The following NAALADL1 variants were observed in gnomAD, a reference collection of about 807,000 sequenced individuals.
The protein encoded by NAALADL1 is aminopeptidase NAALADL1.
A neutral mutation model predicts 82.8 loss-of-function variants in NAALADL1; 77 were observed. The observed-to-expected ratio is 0.93, with a 90% CI of 0.77 to 1.12. The LOEUF (loss-of-function observed/expected upper bound fraction) is 1.12, where lower values mean the gene tolerates loss of function less well. Ranked by LOEUF, NAALADL1 falls within the 50% of genes most tolerant of loss-of-function variation. The pLI, the probability that NAALADL1 is intolerant of heterozygous loss-of-function variation, is 0.00. For synonymous variants in NAALADL1, 358 were observed against 399.2 expected, an observed-to-expected ratio of 0.90 and a Z score of 1.23; for missense variants, 956 against 964.0, an observed-to-expected ratio of 0.99 and a Z score of 0.11.
In NAALADL1 at chr11:65,048,014, A is replaced by G. The variant is rs775993848; in HGVS notation, c.1383T>C (p.Pro461=). The change falls in exon 11 of 18, where the codon CCT becomes CCC. Residue 461 remains proline (P), a synonymous_variant. Transcript: ENST00000358658. ...NATLRVQGTP[P]VQSVVFSATK... The stretch of plus-strand genomic sequence containing the variant: ...TTGCAGAGAAGACGACGCTCTGGAC[A>G]GGGGGCGTCCCCTGCACCCTAAGGG... 1.2e-6 allele frequency: 2 copies of G among 1,612,574 alleles called. No individual in the cohort carries two copies. Among genetic ancestry groups the G allele is most frequent in the Non-Finnish European group, 1.7e-6 (2 of 1,179,604 alleles).
chr11:65,060,091 C>T (rs1427448976), upstream of NAALADL1, among the ~76,000 whole-genome samples: 2 of 152,082 alleles, frequency 1.3e-5, no homozygotes, highest in Non-Finnish European at 2.9e-5. Context: ...TCAAAGATGC[C>T]TGCAGAGCTT....
In NAALADL1 at chr11:65,054,173, ACAT is replaced by A; in HGVS notation, c.992+74_992+76del. ...TCAGGCTTTGAAGTGGAAAGAGGGA[ACAT>A]CATCACAAGGGAAGGGGAGAGGCGA... On this transcript the variant is annotated intron_variant, in intron 6 of 17. Transcript: ENST00000358658. This position sits in a 1 kb window ranked among gnomAD's most constrained non-coding sequence, Gnocchi z 4.3. 8.0e-7 allele frequency: 1 copy of A among 1,245,280 alleles called. No individual in the cohort carries two copies. Among genetic ancestry groups the A allele is most frequent in the Non-Finnish European group, 1.2e-6 (1 of 864,322 alleles). 77.1% of individuals were successfully genotyped at this position (1,245,280 alleles called of 1,614,324 possible). A position where few individuals can be genotyped will look rare whatever the true frequency, so the allele number is the denominator to read the frequency against.
rs745338611 is a variant in NAALADL1 at position 65,046,479 on chromosome 11, G to A, written c.1647C>T (p.Asp549=). ...AAAACTTGTCCACATAGTCAAAGGTGTCAAAGGCTGTGTGGTAGGTGGGGT... is the reference window on the plus strand; with the variant it reads ...AAAACTTGTCCACATAGTCAAAGGTATCAAAGGCTGTGTGGTAGGTGGGGT... The part of the protein sequence containing the change: ...RIYPTYHTAF[D]TFDYVDKFLD... Residue 549 remains aspartate (D), a synonymous_variant, in exon 14 of 18, where the codon GAC becomes GAT. Transcript: ENST00000358658. 2 of 1,614,206 alleles carry A rather than the reference G, an allele frequency of 1.2e-6. No individual in the cohort carries two copies. The highest frequency in any genetic ancestry group is 1.7e-5 in the Admixed American group (1 of 60,022).
chr11:65,050,742 T>C lies in NAALADL1; in HGVS notation c.1199-2357A>G, dbSNP rs191483074. On this transcript the variant is annotated intron_variant, in intron 8 of 17. Coordinates refer to ENST00000358658, the MANE Select transcript of NAALADL1 (RefSeq NM_005468.3). ...AGGGCAGAGGTTGCAGTGAGCCAGA[T>C]TGCGCCACTGCACTCCAGCCTGGGT... Among the ~76,000 whole-genome samples, 121 of 152,242 alleles carry C rather than the reference T, an allele frequency of 7.9e-4. No homozygotes were observed. In the East Asian group the frequency reaches 0.016, roughly 21 times the overall value.
Position 65,054,204 on chromosome 11 carries a change from T to TG in NAALADL1, c.992+45dup, listed in dbSNP as rs781347763. 6.6e-7 allele frequency: 1 copy of TG among 1,520,602 alleles called. No individual in the cohort carries two copies. The highest frequency in any genetic ancestry group is 9.1e-7 in the Non-Finnish European group (1 of 1,103,912). 94.2% of individuals were successfully genotyped at this position (1,520,602 alleles called of 1,614,324 possible). On this transcript the variant is annotated intron_variant, in intron 6 of 17. Coordinates refer to ENST00000358658, the MANE Select transcript of NAALADL1 (RefSeq NM_005468.3). This position sits in a 1 kb window ranked among gnomAD's most constrained non-coding sequence, Gnocchi z 4.3. ...TCACAAGGGAAGGGGAGAGGCGAGT[T>TG]GGGGGAGAGGGCAACTGAGGGAGAC...
Position 65,057,862 on chromosome 11 carries a change from G to A in NAALADL1, c.480+13C>T, listed in dbSNP as rs753520885. ...GAGCTGGGCCAGAGCAGTAGGGGGG[G>A]TTCTGGGCCCACCTGTGGGGTTCCA... is the stretch of plus-strand genomic sequence containing the variant. On this transcript the variant is annotated intron_variant, in intron 3 of 17. Transcript: ENST00000358658. 2.5e-6 allele frequency: 4 copies of A among 1,613,328 alleles called. No homozygotes were observed. The highest frequency in any genetic ancestry group is 4.5e-5 in the East Asian group (2 of 44,872).
At chr11:65,045,992 T>C (rs1170916440) in intron 16 of NAALADL1, 35 bp downstream of exon 16, 2 of 1,611,806 alleles carry the variant, frequency 1.2e-6, no homozygotes, top group Non-Finnish European at 8.5e-7. Context: ...CCCTGGGTGC[T>C]GCCCTCCCAG....
At chr11:65,048,112 C>T (rs1335441787) in intron 10 of NAALADL1, 40 bp downstream of exon 10, 2 of 1,614,064 alleles carry the variant, frequency 1.2e-6, no homozygotes, top group Non-Finnish European at 1.7e-6. Flanking sequence ...CCCAGTCGTC[C>T]CGCCGTCTCC....
chr11:65,054,365 G>A lies in NAALADL1; in HGVS notation c.888-11C>T. ...GTTCCGTTGAGGTTACTGGGGAGGAGGAAGAGGCCCTTCAGGGTAAATGTG... is the reference window on the plus strand; with the variant it reads ...GTTCCGTTGAGGTTACTGGGGAGGAAGAAGAGGCCCTTCAGGGTAAATGTG... On this transcript the variant is annotated splice_polypyrimidine_tract_variant and intron_variant, in intron 5 of 17. Coordinates refer to ENST00000358658, the MANE Select transcript of NAALADL1 (RefSeq NM_005468.3). This position sits in a 1 kb window ranked among gnomAD's most constrained non-coding sequence, Gnocchi z 4.3. The A allele has an allele frequency of 6.2e-7, 1 of 1,613,768 alleles. No homozygotes were observed.
chr11:65,054,283 C>T lies in NAALADL1; in HGVS notation c.959G>A (p.Gly320Asp). The T allele has an allele frequency of 1.2e-6, 2 of 1,614,090 alleles. No homozygotes were observed. Among genetic ancestry groups the T allele is most frequent in the Non-Finnish European group, 1.7e-6 (2 of 1,180,018 alleles). Residue 320 changes from glycine to aspartate, a missense_variant, in exon 6 of 18, where the codon GGC becomes GAC. Physicochemically the swap from Gly to Asp is moderately conservative, Grantham distance 94. Transcript: ENST00000358658. This position sits in a 1 kb window ranked among gnomAD's most constrained non-coding sequence, Gnocchi z 4.3. Reference sequence around the variant, plus strand: ...TGGGAAGTCTCCGTCAGGCCGGAAGCCGGGACCCAACCTGTAGTGGCAGCC... The same window carrying T: ...TGGGAAGTCTCCGTCAGGCCGGAAGTCGGGACCCAACCTGTAGTGGCAGCC... ...ALGCHYRLGP[G>D]FRPDGDFPAD...
rs1187535635 is a variant in NAALADL1 at position 65,045,154 on chromosome 11, G to T, written c.*117C>A. The T allele has an allele frequency of 2.6e-6, 3 of 1,175,600 alleles. No homozygotes were observed. The highest frequency in any genetic ancestry group is 3.5e-6 in the Non-Finnish European group (3 of 845,996). The allele number at this position is 1,175,600 out of a possible 1,614,324, so 72.8% of individuals were successfully genotyped here. ...GGGACCTCAAGCTGTTGCCTGAGAAGCTTGAGAGGGTCCTGTGGTAGTGCC... is the reference window on the plus strand; with the variant it reads ...GGGACCTCAAGCTGTTGCCTGAGAATCTTGAGAGGGTCCTGTGGTAGTGCC... On this transcript the variant is annotated 3_prime_UTR_variant, in exon 18 of 18. Coordinates refer to ENST00000358658, the MANE Select transcript of NAALADL1 (RefSeq NM_005468.3).
intron 8 of NAALADL1, among the ~76,000 whole-genome samples, chr11:65,049,377 AT>A (rs1370112215): frequency 6.6e-6 from 1 of 152,186 alleles, no homozygotes; most frequent in South Asian, 2.1e-4. Context: ...CATTTTTACA[AT>A]TTTTTCTGCC....
chr11:65,059,439 G>C (rs541967879), upstream of NAALADL1, among the ~76,000 whole-genome samples: 5 of 152,180 alleles, frequency 3.3e-5, no homozygotes, highest in African/African-American at 1.2e-4. Context: ...AAGGCCTAGA[G>C]CTAAAGGAAG....
At position 65,045,403 on chromosome 11, in the gene NAALADL1, G is replaced by C; in HGVS notation, c.2091C>G (p.Ser697=). 1 of 1,613,206 alleles carries C rather than the reference G, an allele frequency of 6.2e-7. No individual in the cohort carries two copies. Residue 697 remains serine, a synonymous_variant, in exon 18 of 18, where the codon TCC becomes TCG. Coordinates refer to ENST00000358658, the MANE Select transcript of NAALADL1 (RefSeq NM_005468.3). ...TGTCCCTGGCCCTGGAGCAGGCATT[G>C]GATAGGCCCGGGAATGTGACTACGG... ...TGSVVTFPGL[S]NACSRARDTA...
chr11:65,060,321 A>G (rs750501526), upstream of NAALADL1, among the ~76,000 whole-genome samples: 1 of 152,022 alleles, frequency 6.6e-6, no homozygotes, highest in Non-Finnish European at 1.5e-5. Context: ...GACTTCAGGG[A>G]GGTGCACCAG....
chr11:65,058,482 C>A lies in NAALADL1; in HGVS notation c.40G>T (p.Ala14Ser). ...TKVLGLGLGA[A>S]ALLGLGIILG... Reference sequence around the variant, plus strand: ...ATGATCCCCAGCCCCAAGAGGGCAGCAGCCCCCAGCCCCAGCCCCAACACC... The same window carrying A: ...ATGATCCCCAGCCCCAAGAGGGCAGAAGCCCCCAGCCCCAGCCCCAACACC... Residue 14 changes from alanine (A) to serine (S), a missense_variant, in exon 1 of 18, where the codon GCT (alanine) becomes TCT (serine). Physicochemically the swap from Ala to Ser is moderately conservative, Grantham distance 99. Transcript: ENST00000358658. The A allele has an allele frequency of 6.2e-7, 1 of 1,610,306 alleles. No homozygotes were observed. Among genetic ancestry groups the A allele is most frequent in the East Asian group, 2.2e-5 (1 of 44,848 alleles).
At position 65,045,272 on chromosome 11, in the gene NAALADL1, C is replaced by T. The variant is rs1188790477; in HGVS notation, c.2222G>A (p.Ter741=). ...AATLRPVADL[*] is the part of the protein sequence containing the mutation. ...AGGGCTGAAGAAAGAGGGCTGGGGT[C>T]AGAGGTCAGCCACAGGCCTCAGGGT... Residue 741 remains the stop codon, a stop_retained_variant, in exon 18 of 18, where the codon TGA becomes TAA. Coordinates refer to ENST00000358658, the MANE Select transcript of NAALADL1 (RefSeq NM_005468.3). 2.5e-6 allele frequency: 4 copies of T among 1,604,142 alleles called. No homozygotes were observed. Among genetic ancestry groups the T allele is most frequent in the Middle Eastern group, 1.7e-4 (1 of 6,026 alleles).
intron 3 of NAALADL1, among the ~76,000 whole-genome samples, 186 bp from the exon 4 acceptor site, chr11:65,057,679 C>T (rs1212149487): frequency 6.6e-6 from 1 of 152,140 alleles, no homozygotes; most frequent in Non-Finnish European, 1.5e-5. Context: ...TGTAACAGAC[C>T]TGGCCTTGAG....
chr11:65,051,156 A>C (rs530951684), intron 8 of NAALADL1, among the ~76,000 whole-genome samples: 2 of 152,114 alleles, frequency 1.3e-5, no homozygotes, highest in African/African-American at 4.8e-5. Context: ...TGCGCTACCC[A>C]TAAGGGTAAA....
Sources: gnomAD v4.1 joint callset for allele counts (sites outside exome capture counted in the v4.1 genomes callset) on GRCh38, gnomAD v4.1.1 for gene constraint, Gnocchi (gnomAD v3.1) non-coding constraint, MANE v1.5 for transcripts, NCBI Gene and HGNC (gene_info 2026-07-23, HGNC 2026-07-21) for gene names.